The following HERC4 variants were observed in gnomAD, a reference collection of about 807,000 sequenced individuals.
HERC4 encodes HECT and RLD domain containing E3 ubiquitin protein ligase 4.
A neutral mutation model predicts 124.3 loss-of-function variants in HERC4; 28 were observed. The ratio of observed to expected loss-of-function variants is 0.23; its 90% CI spans 0.17 to 0.31. The LOEUF (loss-of-function observed/expected upper bound fraction) is 0.31. Among genes scored for constraint, HERC4 ranks in the 10% least tolerant of loss-of-function variants. The probability of loss-of-function intolerance (pLI) is 1.00; values close to 1 mark genes in which losing one functional copy is unlikely to be tolerated. For synonymous variants in HERC4, 407 were observed against 421.5 expected, an observed-to-expected ratio of 0.97 and a Z score of 0.42; for missense variants, 713 against 1,229.3, an observed-to-expected ratio of 0.58 and a Z score of 6.28.
chr10:68,059,478 ATAT>A (rs922006014), intron 3 of HERC4, among the ~76,000 whole-genome samples: 7 of 127,304 alleles, frequency 5.5e-5, no homozygotes, highest in South Asian at 4.3e-4. Context: ...ATATATTATA[ATAT>A]TATATATTAT....
At chr10:67,936,673 T>C (rs977657276) in intron 21 of HERC4, among the ~76,000 whole-genome samples, 1 of 152,224 alleles carries the variant, frequency 6.6e-6, no homozygotes, top group Admixed American at 6.5e-5. Context: ...ACAGACAGTT[T>C]TTCCAGTTAT....
At chr10:68,069,669 A>G (rs895363261) in intron 3 of HERC4, 8 of 984,526 alleles carry the variant, frequency 8.1e-6, no homozygotes, top group Non-Finnish European at 9.6e-6. Context: ...TGGAATATGT[A>G]TATTTATAAA....
At chr10:67,976,946 G>A (rs2035628425) in intron 15 of HERC4, among the ~76,000 whole-genome samples, 1 of 152,144 alleles carries the variant, frequency 6.6e-6, no homozygotes. Context: ...GTGCTCTGGG[G>A]CCCTCAATAA....
intron 23 of HERC4, among the ~76,000 whole-genome samples, chr10:67,928,647 G>A (rs563582748): frequency 6.6e-6 from 1 of 152,246 alleles, no homozygotes; most frequent in Admixed American, 6.5e-5. Context: ...CTCGGGCCAG[G>A]AGCGGTGGCT....
Position 67,991,141 on chromosome 10 carries a change from TA to T in HERC4, c.1329del (p.Ser444AlafsTer17). On this transcript the variant is annotated frameshift_variant and splice_region_variant, in exon 12 of 25. Transcript: ENST00000373700. LOFTEE classifies it high-confidence loss of function. ...SGCLNGSFLA[V>X]SNDDHYRTGT... ...GCATATTAAAGAATTGCCACTTACC[TA>T]ACAGCTAAAAAACTTCCATTTAGGC... The T allele has an allele frequency of 6.5e-7, 1 of 1,530,294 alleles. No individual in the cohort carries two copies. The highest frequency in any genetic ancestry group is 1.4e-5 in the South Asian group (1 of 72,188). The allele number at this position is 1,530,294 out of a possible 1,614,324, so 94.8% of individuals were successfully genotyped here. A position where few individuals can be genotyped will look rare whatever the true frequency, so the allele number is the denominator to read the frequency against.
intron 16 of HERC4, chr10:67,966,429 T>G (rs41274100): frequency 0.01 from 3,245 of 313,018 alleles, 26 homozygotes; most frequent in Non-Finnish European, 0.012. Flanking sequence ...CACTTGTAGG[T>G]TTTTTTTGTC....
At chr10:67,934,378 T>C (rs2032137003) in intron 22 of HERC4, among the ~76,000 whole-genome samples, 1 of 152,214 alleles carries the variant, frequency 6.6e-6, no homozygotes, top group Non-Finnish European at 1.5e-5. Flanking sequence ...TTCAAAATAC[T>C]AGATATTTAT....
chr10:68,016,190 T>C (rs577856572), intron 8 of HERC4, among the ~76,000 whole-genome samples: 2 of 152,262 alleles, frequency 1.3e-5, no homozygotes, highest in South Asian at 2.1e-4. Flanking sequence ...AAGCTCTAGA[T>C]TTGATGTAAG....
At chr10:67,996,288 G>A in intron 9 of HERC4, 1 of 308,220 alleles carries the variant, frequency 3.2e-6, no homozygotes, top group South Asian at 2.3e-5. Context: ...TATTGTCAGG[G>A]AAAATTTTGA....
At chr10:68,056,215 C>G (rs937733867) in intron 3 of HERC4, among the ~76,000 whole-genome samples, 3 of 152,068 alleles carry the variant, frequency 2.0e-5, no homozygotes, top group Non-Finnish European at 4.4e-5. Flanking sequence ...AGAATGAACC[C>G]TCAGAATATA....
chr10:68,047,725 A>C (rs143273799), intron 3 of HERC4, among the ~76,000 whole-genome samples: 4 of 152,262 alleles, frequency 2.6e-5, no homozygotes, highest in Admixed American at 6.5e-5. Context: ...AACACTGACA[A>C]CACCAGTTGT....
At chr10:68,002,184 C>A (rs200161551) in intron 9 of HERC4, among the ~76,000 whole-genome samples, 4 of 125,514 alleles carry the variant, frequency 3.2e-5, no homozygotes, top group East Asian at 5.4e-4. Context: ...ATAAAAAAAA[C>A]ATCAAGTTTA....
chr10:68,049,743 T>C (rs1481945357), intron 3 of HERC4, among the ~76,000 whole-genome samples: 1 of 151,882 alleles, frequency 6.6e-6, no homozygotes, highest in East Asian at 1.9e-4. Context: ...AGACCCTGTC[T>C]CTACAAAAAA....
At chr10:68,007,058 C>T (rs2037614914) in intron 9 of HERC4, among the ~76,000 whole-genome samples, 1 of 152,128 alleles carries the variant, frequency 6.6e-6, no homozygotes, top group South Asian at 2.1e-4. Flanking sequence ...TTTAAATAAA[C>T]TTTCTATCCC....
At chr10:67,988,507 T>A (rs1427263618) in intron 15 of HERC4, among the ~76,000 whole-genome samples, 156 bp downstream of exon 15, 1 of 152,110 alleles carries the variant, frequency 6.6e-6, no homozygotes. Flanking sequence ...GGTTTATTAC[T>A]TCTTTTAAGA....
intron 9 of HERC4, among the ~76,000 whole-genome samples, chr10:68,009,840 T>G (rs1456175939): frequency 6.6e-6 from 1 of 152,214 alleles, no homozygotes; most frequent in Non-Finnish European, 1.5e-5. Flanking sequence ...GTCATTTCTA[T>G]AATGTTCATA....
intron 23 of HERC4, 126 bp downstream of exon 23, chr10:67,932,471 G>T: frequency 1.4e-6 from 1 of 717,022 alleles, no homozygotes. Flanking sequence ...GAGTTTGAAG[G>T]GTAGAGTGCT....
chr10:67,927,625 C>T (rs932780003), intron 23 of HERC4, among the ~76,000 whole-genome samples: 1 of 151,486 alleles, frequency 6.6e-6, no homozygotes, highest in Non-Finnish European at 1.5e-5. Context: ...GGGGGTTTCA[C>T]TATGTTGGCC....
rs1285890988 is a variant in HERC4, at chr10:67,927,415, TATATATATA to T, written c.2839-2237_2839-2229del. 9.4e-3 allele frequency among the ~76,000 whole-genome samples: 117 copies of T among 12,416 alleles called. 11 individuals carry two copies. Among genetic ancestry groups the T allele is most frequent in the East Asian group, 0.048 (47 of 970 alleles). 8.1% of individuals were successfully genotyped at this position (12,416 alleles called of 152,430 possible). On this transcript the variant is annotated intron_variant, in intron 23 of 24. Transcript: ENST00000373700. ...ATATATATATATATATATATATATATATATATATATATATATTTTTTTTTTTTTTTAGAT... is the reference window on the plus strand; with the variant it reads ...ATATATATATATATATATATATATATTATATATTTTTTTTTTTTTTTAGAT...
Sources: allele counts gnomAD v4.1 joint callset (sites outside exome capture counted in the v4.1 genomes callset), GRCh38; gene constraint gnomAD v4.1.1; transcripts MANE v1.5; gene names NCBI Gene and HGNC (gene_info 2026-07-23, HGNC 2026-07-21).